Variants in CCSER1 observed in about 807,000 individuals in gnomAD.
CCSER1 encodes the protein coiled-coil serine rich protein 1.
CCSER1 carries 41 observed loss-of-function variants against 82.0 expected under a neutral mutation model. The ratio of observed to expected loss-of-function variants is 0.50; its 90% CI spans 0.39 to 0.65. The LOEUF (loss-of-function observed/expected upper bound fraction) is 0.65, where lower values mean the gene tolerates loss of function less well. Among genes scored for constraint, CCSER1 ranks in the 30% least tolerant of loss-of-function variants. The pLI, the probability that CCSER1 is intolerant of heterozygous loss-of-function variation, is 0.00. For synonymous variants in CCSER1, 414 were observed against 383.9 expected (o/e 1.08, Z -0.92); for missense variants, 1,119 against 1,064.2 (o/e 1.05, Z -0.72).
intron 10 of CCSER1, among the ~76,000 whole-genome samples, chr4:91,325,501 G>A (rs1578196983): frequency 6.6e-6 from 1 of 152,170 alleles, no homozygotes; most frequent in Non-Finnish European, 1.5e-5. Flanking sequence ...GCTAGAAGAA[G>A]CTGCCAAGGG....
At chr4:90,381,720 A>C (rs537225641) in intron 3 of CCSER1, among the ~76,000 whole-genome samples, 2 of 152,126 alleles carry the variant, frequency 1.3e-5, no homozygotes, top group Non-Finnish European at 2.9e-5. Flanking sequence ...AATCATGAGA[A>C]TGAAGGGTTG....
intron 5 of CCSER1, among the ~76,000 whole-genome samples, chr4:90,610,746 ATAT>A (rs1207413541): frequency 1.3e-5 from 2 of 152,218 alleles, no homozygotes; most frequent in Non-Finnish European, 1.5e-5. Context: ...ATGAAGGCAA[ATAT>A]TATCAAATTT....
intron 10 of CCSER1, among the ~76,000 whole-genome samples, chr4:91,531,913 A>G (rs1477660211): frequency 6.6e-6 from 1 of 152,166 alleles, no homozygotes; most frequent in South Asian, 2.1e-4. Context: ...AGGTCTCACT[A>G]TATTGCCCAG....
chr4:90,309,965 A>T (rs1180695374), intron 2 of CCSER1, among the ~76,000 whole-genome samples: 1 of 152,138 alleles, frequency 6.6e-6, no homozygotes, highest in East Asian at 1.9e-4. Context: ...TGTCTTTTAT[A>T]GAGTTTATTA....
chr4:91,252,248 A>G (rs1740311960), intron 10 of CCSER1, among the ~76,000 whole-genome samples: 2 of 152,176 alleles, frequency 1.3e-5, no homozygotes, highest in Admixed American at 1.3e-4. Flanking sequence ...ATCCTTCAAA[A>G]GTGAGGGAGG....
intron 10 of CCSER1, among the ~76,000 whole-genome samples, chr4:91,285,248 T>G (rs62312011): frequency 4.8e-5 from 4 of 82,684 alleles, no homozygotes; most frequent in Admixed American, 2.1e-4. Flanking sequence ...CTTCAATGGG[T>G]TTTTTTTTTT....
intron 1 of CCSER1, among the ~76,000 whole-genome samples, chr4:90,305,140 T>A (rs958572973): frequency 1.8e-4 from 27 of 152,078 alleles, no homozygotes; most frequent in Non-Finnish European, 1.2e-4. Context: ...ATGGTCTCAA[T>A]CTCCTGACCT....
intron 10 of CCSER1, among the ~76,000 whole-genome samples, chr4:91,465,079 T>C (rs1001103166): frequency 1.3e-5 from 2 of 152,158 alleles, no homozygotes; most frequent in Non-Finnish European, 2.9e-5. Context: ...ATCACATTTA[T>C]TCCAAAATTG....
chr4:90,130,443 G>A (rs1722623074), intron 1 of CCSER1, among the ~76,000 whole-genome samples: 1 of 152,116 alleles, frequency 6.6e-6, no homozygotes, highest in Non-Finnish European at 1.5e-5. Context: ...AGGATAAGCA[G>A]GATTAGTACA....
At chr4:91,335,428 G>A (rs1747249623) in intron 10 of CCSER1, among the ~76,000 whole-genome samples, 4 of 152,038 alleles carry the variant, frequency 2.6e-5, no homozygotes, top group Admixed American at 2.6e-4. Context: ...AAAGGAGAGA[G>A]GACCAGAAAG....
chr4:90,271,218 A>G (rs565945860), intron 1 of CCSER1, among the ~76,000 whole-genome samples: 2 of 152,304 alleles, frequency 1.3e-5, no homozygotes, highest in South Asian at 4.1e-4. Flanking sequence ...TGGAGGAATC[A>G]CATTACCTGA....
chr4:91,063,223 G>C (rs34341211), intron 9 of CCSER1, among the ~76,000 whole-genome samples: 3,270 of 152,100 alleles, frequency 0.021, 104 homozygotes, highest in African/African-American at 0.073. Context: ...CTTAATCCTT[G>C]CTTAGATAGA....
chr4:91,213,264 A>G (rs923237985), intron 10 of CCSER1, among the ~76,000 whole-genome samples: 4 of 151,952 alleles, frequency 2.6e-5, no homozygotes, highest in Admixed American at 6.6e-5. Flanking sequence ...TTTATTCACT[A>G]TTTGTGAATA....
chr4:91,147,117 G>C (rs1729615906), intron 10 of CCSER1, among the ~76,000 whole-genome samples: 1 of 152,204 alleles, frequency 6.6e-6, no homozygotes, highest in Non-Finnish European at 1.5e-5. Context: ...GGTCCTTTGA[G>C]CTTGGCAGAA....
intron 10 of CCSER1, among the ~76,000 whole-genome samples, chr4:91,558,176 T>G (rs888983035): frequency 3.3e-5 from 5 of 151,472 alleles, no homozygotes; most frequent in Non-Finnish European, 5.9e-5. Flanking sequence ...TGTATTTGAT[T>G]TTAAAAGTTG....
intron 1 of CCSER1, among the ~76,000 whole-genome samples, chr4:90,146,083 A>G (rs1725756803): frequency 2.0e-5 from 3 of 152,108 alleles, no homozygotes; most frequent in Non-Finnish European, 4.4e-5. Context: ...AGTGGGAAAA[A>G]TGTTTCAAAG....
chr4:91,051,517 C>G (rs150821625), intron 9 of CCSER1, among the ~76,000 whole-genome samples: 144 of 152,128 alleles, frequency 9.5e-4, no homozygotes, highest in African/African-American at 3.3e-3. Context: ...TCAAACTGTT[C>G]CTAAAAATCC....
chr4:90,155,346 T>G (rs1419460502), intron 1 of CCSER1, among the ~76,000 whole-genome samples: 2 of 152,176 alleles, frequency 1.3e-5, no homozygotes, highest in African/African-American at 2.4e-5. Context: ...TTGTCTTTTT[T>G]GGTTGTGTCT....
chr4:90,812,416 G>A (rs1758471359), intron 7 of CCSER1, among the ~76,000 whole-genome samples: 1 of 152,180 alleles, frequency 6.6e-6, no homozygotes. Flanking sequence ...AGAGGCCATG[G>A]ATGTGGATAT....
Sources: gnomAD v4.1 joint callset for allele counts (sites outside exome capture counted in the v4.1 genomes callset) on GRCh38, gnomAD v4.1.1 for gene constraint, MANE v1.5 for transcripts, NCBI Gene and HGNC (gene_info 2026-07-23, HGNC 2026-07-21) for gene names.